DLG1: variants seen among roughly 807,000 people sequenced by gnomAD.
DLG1 encodes disks large homolog 1.
A neutral mutation model predicts 123.4 loss-of-function variants in DLG1; 42 were observed. The observed-to-expected ratio is 0.34, with a 90% CI of 0.27 to 0.44. The LOEUF is 0.44. Among genes scored for constraint, DLG1 ranks in the 20% least tolerant of loss-of-function variants. The pLI is 1.00. For synonymous variants in DLG1, 317 were observed against 356.2 expected, an observed-to-expected ratio of 0.89 and a Z score of 1.24; for missense variants, 942 against 1,082.6, an observed-to-expected ratio of 0.87 and a Z score of 1.82.
intron 13 of DLG1, among the ~76,000 whole-genome samples, chr3:197,109,478 G>A (rs1217468660): frequency 6.6e-6 from 1 of 152,210 alleles, no homozygotes; most frequent in Non-Finnish European, 1.5e-5. Context: ...CATCAAATTT[G>A]TAATTATTGC....
intron 18 of DLG1, among the ~76,000 whole-genome samples, chr3:197,072,691 A>G (rs1228559751): frequency 6.6e-6 from 1 of 151,316 alleles, no homozygotes; most frequent in African/African-American, 2.4e-5. Flanking sequence ...AAAAAAAAAA[A>G]AAACAAAAAA....
intron 4 of DLG1, among the ~76,000 whole-genome samples, chr3:197,222,763 A>G (rs1010599998): frequency 3.3e-5 from 5 of 152,192 alleles, no homozygotes; most frequent in Non-Finnish European, 7.3e-5. Flanking sequence ...TCCTGACTTT[A>G]TACTGGGTGT....
intron 4 of DLG1, among the ~76,000 whole-genome samples, chr3:197,199,471 A>T (rs942249605): frequency 2.0e-5 from 3 of 152,152 alleles, no homozygotes; most frequent in Admixed American, 2.0e-4. Flanking sequence ...TGTGTATATG[A>T]AACAAATTTC....
intron 14 of DLG1, among the ~76,000 whole-genome samples, chr3:197,097,117 C>T (rs1203650541): frequency 6.6e-6 from 1 of 152,184 alleles, no homozygotes; most frequent in African/African-American, 2.4e-5. Flanking sequence ...TATCCCTATC[C>T]TACTCAATTT....
chr3:197,263,458 G>A (rs1050168741), intron 4 of DLG1, among the ~76,000 whole-genome samples: 8 of 152,106 alleles, frequency 5.3e-5, no homozygotes, highest in African/African-American at 1.2e-4. Context: ...TTTTAAATCC[G>A]TTGGATTCTA....
intron 4 of DLG1, among the ~76,000 whole-genome samples, chr3:197,250,726 A>AACTCAC (rs1326274220): frequency 9.2e-5 from 14 of 151,874 alleles, no homozygotes; most frequent in Non-Finnish European, 1.8e-4. Flanking sequence ...AAAGAAAATG[A>AACTCAC]ACTCACACGT....
intron 11 of DLG1, among the ~76,000 whole-genome samples, chr3:197,124,925 G>A (rs1025702716): frequency 6.6e-6 from 1 of 152,114 alleles, no homozygotes; most frequent in Admixed American, 6.5e-5. Context: ...CCAGTAGACA[G>A]AGGATTTGAT....
chr3:197,272,220 C>T (rs1764200498), intron 4 of DLG1, among the ~76,000 whole-genome samples: 1 of 152,112 alleles, frequency 6.6e-6, no homozygotes. Flanking sequence ...GGCACAGTGG[C>T]TCACGCCTAT....
chr3:197,204,316 T>C (rs897693782), intron 4 of DLG1, among the ~76,000 whole-genome samples: 3 of 152,154 alleles, frequency 2.0e-5, no homozygotes, highest in African/African-American at 7.2e-5. Flanking sequence ...CCTATAACAA[T>C]TGATATTAGA....
At chr3:197,232,997 A>G (rs1199345880) in intron 4 of DLG1, among the ~76,000 whole-genome samples, 1 of 152,214 alleles carries the variant, frequency 6.6e-6, no homozygotes, top group Non-Finnish European at 1.5e-5. Flanking sequence ...AACCAGTGTA[A>G]TCAGGCAAGA....
intron 7 of DLG1, among the ~76,000 whole-genome samples, chr3:197,141,568 A>G (rs993540503): frequency 2.6e-5 from 4 of 152,216 alleles, no homozygotes; most frequent in Non-Finnish European, 5.9e-5. Flanking sequence ...CTATTCCAAT[A>G]TAAATAAATC....
intron 4 of DLG1, among the ~76,000 whole-genome samples, chr3:197,207,171 TACGCAAAGTTTGTCCTTC>T (rs1343839911): frequency 3.3e-5 from 5 of 152,206 alleles, no homozygotes; most frequent in African/African-American, 1.2e-4. Context: ...CTTTGCTCTT[TACGCAAAGTTTGTCCTTC>T]ACGCAAAGTC....
At chr3:197,228,637 A>G (rs979923024) in intron 4 of DLG1, among the ~76,000 whole-genome samples, 6 of 152,218 alleles carry the variant, frequency 3.9e-5, no homozygotes, top group Non-Finnish European at 7.3e-5. Context: ...GGGACCTACC[A>G]GGAAAAATGA....
chr3:197,276,069 C>T (rs1171550608), intron 4 of DLG1, among the ~76,000 whole-genome samples: 1 of 152,142 alleles, frequency 6.6e-6, no homozygotes, highest in Admixed American at 6.5e-5. Flanking sequence ...CCAGACATGC[C>T]TAACCTCATG....
intron 24 of DLG1, among the ~76,000 whole-genome samples, chr3:197,050,922 C>T (rs550447348): frequency 1.3e-5 from 2 of 152,084 alleles, no homozygotes; most frequent in Non-Finnish European, 2.9e-5. Flanking sequence ...GTCAATTATA[C>T]CTCAACATGG....
chr3:197,294,575 G>A (rs948621125), intron 3 of DLG1, among the ~76,000 whole-genome samples: 63 of 151,024 alleles, frequency 4.2e-4, no homozygotes, highest in African/African-American at 1.5e-3. Flanking sequence ...GGAGAATGGC[G>A]TGAACCTGGC....
At chr3:197,206,657 T>G (rs1202258071) in intron 4 of DLG1, among the ~76,000 whole-genome samples, 1 of 152,054 alleles carries the variant, frequency 6.6e-6, no homozygotes, top group Non-Finnish European at 1.5e-5. Context: ...AACACATCAT[T>G]TGCATTAAAG....
chr3:197,062,408 T>G (rs1020191626), intron 22 of DLG1, among the ~76,000 whole-genome samples: 1 of 152,188 alleles, frequency 6.6e-6, no homozygotes, highest in Non-Finnish European at 1.5e-5. Flanking sequence ...AGTTGAACCA[T>G]TCTAAGTTGA....
At chr3:197,047,661 C>T (rs1724280661) in intron 24 of DLG1, among the ~76,000 whole-genome samples, 1 of 150,638 alleles carries the variant, frequency 6.6e-6, no homozygotes, top group Non-Finnish European at 1.5e-5. Context: ...AAAAAGGGGC[C>T]AAGACTACAC....
Sources: gnomAD v4.1 joint callset for allele counts (sites outside exome capture counted in the v4.1 genomes callset) on GRCh38, gnomAD v4.1.1 for gene constraint, MANE v1.5 for transcripts, NCBI Gene and HGNC (gene_info 2026-07-23, HGNC 2026-07-21) for gene names.